Variants in FBXO24 observed in about 807,000 individuals in gnomAD.
FBXO24 encodes F-box protein 24.
FBXO24 carries 30 observed loss-of-function variants against 63.5 expected under a neutral mutation model. The ratio of observed to expected loss-of-function variants is 0.47; its 90% CI spans 0.35 to 0.64. The LOEUF is 0.64. Ranked by LOEUF, FBXO24 falls within the 30% of genes least tolerant of loss-of-function variation. FBXO24 has a pLI of 0.00. For synonymous variants in FBXO24, 300 were observed against 305.0 expected (o/e 0.98, Z 0.17); for missense variants, 624 against 763.4 (o/e 0.82, Z 2.15).
intron 2 of FBXO24, 31 bp downstream of exon 2, chr7:100,590,106 A>G: frequency 6.2e-7 from 1 of 1,608,980 alleles, no homozygotes; most frequent in Non-Finnish European, 8.5e-7. Flanking sequence ...ATTGAGAATA[A>G]TAGGATTGGG....
rs1802558888 is a variant in FBXO24, at chr7:100,600,668, G to A, written c.1512G>A (p.Leu504=). The A allele has an allele frequency of 6.2e-7, 1 of 1,614,052 alleles. No homozygotes were observed. The highest frequency in any genetic ancestry group is 8.5e-7 in the Non-Finnish European group (1 of 1,179,954). Residue 504 remains leucine (L), a synonymous_variant, in exon 10 of 10, where the codon CTG becomes CTA. Transcript: ENST00000241071. This position sits in a 1 kb window ranked among gnomAD's most constrained non-coding sequence, Gnocchi z 6.3. ...TGGTGGGGACTCCTGAGCCCAGCCT[G>A]GGGGCCAGAGCACCCCAGGACCCCG... ...SRVVGTPEPS[L]GARAPQDPGG... is the part of the protein sequence containing the mutation.
Position 100,600,002 on chromosome 7 carries a change from G to A in FBXO24, c.1207-29G>A. 7 of 1,590,514 alleles carry A rather than the reference G, an allele frequency of 4.4e-6. No homozygotes were observed. The highest frequency in any genetic ancestry group is 1.1e-5 in the South Asian group (1 of 88,160). On this transcript the variant is annotated intron_variant, in intron 8 of 9. Transcript: ENST00000241071. The surrounding 1 kb of genome is among the most constrained non-coding windows in gnomAD (Gnocchi z 6.3). ...GCCCCCCCGTCCCTTGGTGCTCCCT[G>A]CTCAGGGACCCTGGCCGTGTGTCCC...
rs1412103755 is a variant in FBXO24 at position 100,591,819 on chromosome 7, A to C, written c.475A>C (p.Lys159Gln). 1 of 1,614,194 alleles carries C rather than the reference A, an allele frequency of 6.2e-7. No individual in the cohort carries two copies. Residue 159 changes from lysine (K) to glutamine (Q), a missense_variant, in exon 4 of 10, where the codon AAA becomes CAA. Around this residue, in one of 3 missense-constraint regions of FBXO24, gnomAD observed 391 missense variants for 469.1 expected, o/e 0.83. Transcript: ENST00000241071. ...CTACGTGGGGACCCTCTTCTTCCTC[A>C]AAAATGCCCTGGTCTCCACCCTCGG... Reference protein sequence around the residue: ...LDYVGTLFFLKNALVSTLGQM... With the variant: ...LDYVGTLFFLQNALVSTLGQM...
intron 1 of FBXO24, among the ~76,000 whole-genome samples, chr7:100,587,838 C>G (rs1166831264): frequency 2.0e-5 from 3 of 149,944 alleles, no homozygotes. Flanking sequence ...TGACCTCAAG[C>G]GATCCTGCCT....
chr7:100,597,816 C>G (rs149163395), intron 8 of FBXO24, among the ~76,000 whole-genome samples: 1 of 152,054 alleles, frequency 6.6e-6, no homozygotes, highest in Non-Finnish European at 1.5e-5. Flanking sequence ...ATCCTCCCGC[C>G]TCAACCTCCC....
intron 8 of FBXO24, among the ~76,000 whole-genome samples, chr7:100,596,120 ATAT>A (rs1269481255): frequency 1.6e-4 from 25 of 152,174 alleles, no homozygotes; most frequent in Admixed American, 5.2e-4. Flanking sequence ...TCTACCAAAA[ATAT>A]AAAAAATTAG....
At chr7:100,590,124 T>A in intron 2 of FBXO24, 49 bp downstream of exon 2, 1 of 1,607,286 alleles carries the variant, frequency 6.2e-7, no homozygotes, top group Non-Finnish European at 8.5e-7. Flanking sequence ...GGGGGCCAGA[T>A]CACCGAGGGG....
At chr7:100,592,029 G>C (rs1199997299) in intron 4 of FBXO24, 127 bp downstream of exon 4, 1 of 906,950 alleles carries the variant, frequency 1.1e-6, no homozygotes, top group Non-Finnish European at 1.7e-6. Context: ...GGGAGGCTGA[G>C]GCAGGCGGAT....
Position 100,595,785 on chromosome 7 carries a change from G to A in FBXO24, c.1206+79G>A, listed in dbSNP as rs899313515. 1.1e-5 allele frequency: 17 copies of A among 1,481,016 alleles called. No homozygotes were observed. In the African/African-American group the frequency reaches 2.4e-4, roughly 21 times the overall value. The allele number at this position is 1,481,016 out of a possible 1,614,324, so 91.7% of individuals were successfully genotyped here. ...ACCCCCAGATCTGTCCACTTCTCCA[G>A]ATTCCACAGAATCCAATTTCTGTTC... On this transcript the variant is annotated intron_variant, in intron 8 of 9. Transcript: ENST00000241071.
chr7:100,587,555 G>A (rs1801815835), intron 1 of FBXO24, among the ~76,000 whole-genome samples: 1 of 149,370 alleles, frequency 6.7e-6, no homozygotes, highest in East Asian at 2.0e-4. Flanking sequence ...TGCCCTCCTC[G>A]GCCTCCCAAA....
intron 3 of FBXO24, 85 bp from the exon 4 acceptor site, chr7:100,591,582 G>A (rs913414634): frequency 2.1e-5 from 26 of 1,251,814 alleles, no homozygotes; most frequent in Admixed American, 7.3e-5. Flanking sequence ...ACAAACCAGC[G>A]TGTCTAAGAA....
chr7:100,592,599 G>A (rs901369402), intron 4 of FBXO24, among the ~76,000 whole-genome samples, 184 bp from the exon 5 acceptor site: 3 of 151,990 alleles, frequency 2.0e-5, no homozygotes, highest in Admixed American at 6.6e-5. Flanking sequence ...TGAGGACCCA[G>A]GCCCCCATCA....
chr7:100,593,088 G>A, intron 5 of FBXO24, 71 bp downstream of exon 5: 7 of 1,343,436 alleles, frequency 5.2e-6, no homozygotes, highest in South Asian at 2.5e-5. Flanking sequence ...CAGAGGAGGG[G>A]GAGGGAGGCC....
intron 1 of FBXO24, 183 bp from the exon 2 acceptor site, chr7:100,589,794 G>C (rs1406200815): frequency 6.6e-7 from 1 of 1,525,248 alleles, no homozygotes; most frequent in African/African-American, 1.4e-5. Context: ...GGGGCTCCGG[G>C]TGAGGGGGAT....
chr7:100,588,491 T>C (rs1318592988), intron 1 of FBXO24, among the ~76,000 whole-genome samples: 4 of 152,142 alleles, frequency 2.6e-5, no homozygotes, highest in Admixed American at 2.6e-4. Flanking sequence ...ATAAGGGAAT[T>C]TGGGTGGTCA....
Position 100,600,028 on chromosome 7 carries a change from C to G in FBXO24, c.1207-3C>G. ...CTCAGGGACCCTGGCCGTGTGTCCC[C>G]AGGTTTGTTACCTGCAGCGGCCCAT... On this transcript the variant is annotated splice_region_variant and splice_polypyrimidine_tract_variant and intron_variant, in intron 8 of 9. Transcript: ENST00000241071. This position sits in a 1 kb window ranked among gnomAD's most constrained non-coding sequence, Gnocchi z 6.3. 6.2e-7 allele frequency: 1 copy of G among 1,607,578 alleles called. No individual in the cohort carries two copies. The highest frequency in any genetic ancestry group is 8.5e-7 in the Non-Finnish European group (1 of 1,177,726).
intron 8 of FBXO24, 120 bp downstream of exon 8, chr7:100,595,826 C>A: frequency 7.2e-7 from 1 of 1,391,742 alleles, no homozygotes; most frequent in Non-Finnish European, 9.7e-7. Flanking sequence ...GGAAGTTAAG[C>A]CACTCAGTAT....
At position 100,600,034 on chromosome 7, in the gene FBXO24, T is replaced by C. The variant is rs2131281654; in HGVS notation, c.1210T>C (p.Cys404Arg). The change falls in exon 9 of 10, where the codon TGT becomes CGT. Residue 404 changes from cysteine (C) to arginine (R), a missense_variant. By Grantham distance (180) the Cys-to-Arg change is radical (BLOSUM62 -3). Around this residue, in one of 3 missense-constraint regions of FBXO24, gnomAD observed 216 missense variants for 245.2 expected, o/e 0.88. Transcript: ENST00000241071. This position sits in a 1 kb window ranked among gnomAD's most constrained non-coding sequence, Gnocchi z 6.3. ...GACCCTGGCCGTGTGTCCCCAGGTT[T>C]GTTACCTGCAGCGGCCCATCACCCT... Reference protein sequence around the residue: ...KMDRGEPTQVCYLQRPITLWC... With the variant: ...KMDRGEPTQVRYLQRPITLWC... 1 of 1,608,362 alleles carries C rather than the reference T, an allele frequency of 6.2e-7. No homozygotes were observed. Among genetic ancestry groups the C allele is most frequent in the Non-Finnish European group, 8.5e-7 (1 of 1,178,104 alleles).
At chr7:100,595,554 C>A in intron 7 of FBXO24, 21 bp from the exon 8 acceptor site, 8 of 1,567,298 alleles carry the variant, frequency 5.1e-6, no homozygotes, top group Non-Finnish European at 6.9e-6. Flanking sequence ...ATCCCTATCC[C>A]CTTTCTATCT....
Sources: allele counts gnomAD v4.1 joint callset (sites outside exome capture counted in the v4.1 genomes callset), GRCh38; gene constraint gnomAD v4.1.1; regional missense constraint gnomAD v4.1.1; non-coding constraint Gnocchi (gnomAD v3.1); transcripts MANE v1.5; gene names NCBI Gene and HGNC (gene_info 2026-07-23, HGNC 2026-07-21).